SPTBN1: variants seen among roughly 807,000 people sequenced by gnomAD.
The protein encoded by SPTBN1 is spectrin beta, non-erythrocytic 1.
A neutral mutation model predicts 266.4 loss-of-function variants in SPTBN1; 32 were observed. The observed-to-expected ratio is 0.12, with a 90% CI of 0.09 to 0.16. The LOEUF is 0.16. SPTBN1 is among the 10% of genes least tolerant of loss of function. The pLI, the probability that SPTBN1 is intolerant of heterozygous loss-of-function variation, is 1.00. For missense variants in SPTBN1, 2,296 were observed against 3,067.1 expected, an observed-to-expected ratio of 0.75 and a Z score of 5.94; for synonymous variants, 1,336 against 1,162.2, an observed-to-expected ratio of 1.15 and a Z score of -3.04.
chr2:54,602,459 C>T lies in SPTBN1; in HGVS notation c.300+3216C>T, dbSNP rs7591231. ...AGCTCATAATCCACTTTAGATGCTCCCCATTGCCTGCCATCTCCCTTCATG... is the reference window on the plus strand; with the variant it reads ...AGCTCATAATCCACTTTAGATGCTCTCCATTGCCTGCCATCTCCCTTCATG... On this transcript the variant is annotated intron_variant, in intron 3 of 35. Coordinates refer to ENST00000356805, the MANE Select transcript of SPTBN1 (RefSeq NM_003128.3). 6.5e-3 allele frequency among the ~76,000 whole-genome samples: 986 copies of T among 152,120 alleles called. 7 individuals carry two copies. The highest frequency in any genetic ancestry group is 0.023 in the African/African-American group (952 of 41,472).
At chr2:54,624,107 C>T (rs1017121032) in intron 10 of SPTBN1, among the ~76,000 whole-genome samples, 10 of 152,162 alleles carry the variant, frequency 6.6e-5, no homozygotes, top group Non-Finnish European at 1.0e-4. Context: ...ACTTTGGTCA[C>T]TTGTACAGAA....
intron 1 of SPTBN1, among the ~76,000 whole-genome samples, chr2:54,502,582 A>G (rs1159291091): frequency 1.3e-5 from 2 of 152,184 alleles, no homozygotes; most frequent in Non-Finnish European, 2.9e-5. Flanking sequence ...TTTTCCTGCA[A>G]GGTTCTTGTA....
intron 2 of SPTBN1, among the ~76,000 whole-genome samples, chr2:54,578,772 G>A (rs1245224339): frequency 6.6e-6 from 1 of 151,914 alleles, no homozygotes; most frequent in East Asian, 1.9e-4. Context: ...GTGTGTGTGT[G>A]TGTGTGATGA....
chr2:54,526,452 A>C lies in SPTBN1; in HGVS notation c.34A>C (p.Ile12Leu). The change falls in exon 2 of 36, where the codon ATT (isoleucine) becomes CTT (leucine). Residue 12 changes from isoleucine (I) to leucine (L), a missense_variant. Ile to Leu is a conservative substitution (Grantham distance 5). Transcript: ENST00000356805. ...CACAGTAGCCACAGACTATGACAACATTGAGATCCAGCAGCAGTACAGTGA... is the reference window on the plus strand; with the variant it reads ...CACAGTAGCCACAGACTATGACAACCTTGAGATCCAGCAGCAGTACAGTGA... ...TTTVATDYDN[I>L]EIQQQYSDVN... The C allele has an allele frequency of 1.2e-6, 2 of 1,614,226 alleles. No homozygotes were observed. Among genetic ancestry groups the C allele is most frequent in the Middle Eastern group, 1.6e-4 (1 of 6,062 alleles).
rs138719883 is a variant in SPTBN1 at position 54,558,708 on chromosome 2, T to C, written c.148+32142T>C. 16,483 of 1,562,844 alleles carry C rather than the reference T, an allele frequency of 0.011. 378 individuals carry two copies. The highest frequency in any genetic ancestry group is 0.073 in the South Asian group (6,138 of 84,370). On this transcript the variant is annotated intron_variant, in intron 2 of 35. Transcript: ENST00000356805. This position sits in a 1 kb window ranked among gnomAD's most constrained non-coding sequence, Gnocchi z 4.6. ...GAGCGCTGCGGAGGCTGCTGCGTGT[T>C]GGATGGGAGTGGGAGGGGGCTGGAG... is the stretch of plus-strand genomic sequence containing the variant.
At chr2:54,656,373 T>C (rs1280490094) in intron 29 of SPTBN1, among the ~76,000 whole-genome samples, 1 of 152,376 alleles carries the variant, frequency 6.6e-6, no homozygotes, top group South Asian at 2.1e-4. Flanking sequence ...TAGTGGAATG[T>C]TGATAACATA....
intron 1 of SPTBN1, among the ~76,000 whole-genome samples, chr2:54,506,102 C>T (rs970563688): frequency 1.3e-4 from 19 of 150,796 alleles, no homozygotes; most frequent in African/African-American, 2.4e-4. Flanking sequence ...CCAGCCTGGG[C>T]AACAGAGTGA....
In SPTBN1 at chr2:54,474,925, C is replaced by T. The variant is rs190799380; in HGVS notation, c.-48+18407C>T. 2.4e-4 allele frequency among the ~76,000 whole-genome samples: 37 copies of T among 152,270 alleles called. 1 individual carries two copies. The highest frequency in any genetic ancestry group is 2.4e-3 in the Admixed American group (36 of 15,304). On this transcript the variant is annotated intron_variant, in intron 1 of 35. Coordinates refer to ENST00000356805, the MANE Select transcript of SPTBN1 (RefSeq NM_003128.3). ...CAGTGGCTCATGCCTGTAATCCCAGCACTTTGGGAGGCTGAGGCGGGTAGA... is the reference window on the plus strand; with the variant it reads ...CAGTGGCTCATGCCTGTAATCCCAGTACTTTGGGAGGCTGAGGCGGGTAGA...
At chr2:54,524,209 A>T (rs1490541640) in intron 1 of SPTBN1, among the ~76,000 whole-genome samples, 1 of 152,122 alleles carries the variant, frequency 6.6e-6, no homozygotes, top group East Asian at 1.9e-4. Context: ...AAAAAAAAAA[A>T]TGTTGATAAT....
chr2:54,476,260 G>A (rs767210864), intron 1 of SPTBN1, among the ~76,000 whole-genome samples: 13 of 151,970 alleles, frequency 8.6e-5, no homozygotes, highest in South Asian at 2.1e-4. Flanking sequence ...CAAATGCCCC[G>A]CCCAAATGCT....
intron 1 of SPTBN1, among the ~76,000 whole-genome samples, chr2:54,484,890 T>C (rs1436587701): frequency 6.6e-6 from 1 of 152,082 alleles, no homozygotes; most frequent in Admixed American, 6.6e-5. Context: ...AGAAAATTAA[T>C]GCAAAACTTC....
In SPTBN1 at chr2:54,645,397, A is replaced by G; in HGVS notation, c.4438A>G (p.Asn1480Asp). Reference sequence around the variant, plus strand: ...GGAGCCCTTGAACGAGAGGAAGCATAACCTGCTGGCCTCCAAAGAGATCCA... The same window carrying G: ...GGAGCCCTTGAACGAGAGGAAGCATGACCTGCTGGCCTCCAAAGAGATCCA... ...LLEPLNERKH[N>D]LLASKEIHQF... Residue 1480 changes from asparagine (N) to aspartate (D), a missense_variant, in exon 21 of 36, where the codon AAC becomes GAC. Asn to Asp is a conservative substitution (Grantham distance 23). Around this residue, in one of 12 missense-constraint regions of SPTBN1, gnomAD observed 386 missense variants for 486.1 expected, o/e 0.79. Coordinates refer to ENST00000356805, the MANE Select transcript of SPTBN1 (RefSeq NM_003128.3). This position sits in a 1 kb window ranked among gnomAD's most constrained non-coding sequence, Gnocchi z 4.3. The G allele has an allele frequency of 6.2e-7, 1 of 1,614,208 alleles. No individual in the cohort carries two copies. The highest frequency in any genetic ancestry group is 8.5e-7 in the Non-Finnish European group (1 of 1,180,036).
At chr2:54,535,141 G>A (rs1671525851) in intron 2 of SPTBN1, 1 of 152,188 alleles carries the variant, frequency 6.6e-6, no homozygotes, top group African/African-American at 2.4e-5. Flanking sequence ...GGGACTGCCT[G>A]TGTAAGCAAA....
chr2:54,590,054 C>T (rs1024496824), intron 2 of SPTBN1, among the ~76,000 whole-genome samples: 1 of 152,126 alleles, frequency 6.6e-6, no homozygotes, highest in African/African-American at 2.4e-5. Flanking sequence ...CTAATCACAC[C>T]GTTGTGTATT....
At chr2:54,600,463 A>G (rs1445524704) in intron 3 of SPTBN1, among the ~76,000 whole-genome samples, 1 of 152,192 alleles carries the variant, frequency 6.6e-6, no homozygotes, top group East Asian at 1.9e-4. Flanking sequence ...ACCCCTGCTC[A>G]AAACCATGAT....
At position 54,628,273 on chromosome 2, in the gene SPTBN1, A is replaced by G; in HGVS notation, c.1798+23A>G. On this transcript the variant is annotated intron_variant, in intron 13 of 35. Coordinates refer to ENST00000356805, the MANE Select transcript of SPTBN1 (RefSeq NM_003128.3). The surrounding 1 kb of genome is among the most constrained non-coding windows in gnomAD (Gnocchi z 4.3). ...AAGGTAAGGATGGCCCATTCCAAGC[A>G]TTACCTCCGGGTCACCAGAGATTCA... The G allele has an allele frequency of 8.1e-6, 13 of 1,599,426 alleles. No homozygotes were observed. The highest frequency in any genetic ancestry group is 1.1e-5 in the Non-Finnish European group (13 of 1,173,102).
At chr2:54,596,077 C>T (rs78439220) in intron 2 of SPTBN1, among the ~76,000 whole-genome samples, 17 of 152,084 alleles carry the variant, frequency 1.1e-4, no homozygotes, top group African/African-American at 2.7e-4. Flanking sequence ...GCCTGGAAGT[C>T]GGCTCACTGC....
chr2:54,541,907 CAT>C (rs755536090), intron 2 of SPTBN1, among the ~76,000 whole-genome samples: 2 of 152,338 alleles, frequency 1.3e-5, no homozygotes, highest in South Asian at 2.1e-4. Flanking sequence ...ACGTGTACCA[CAT>C]GAGATGCTCT....
At chr2:54,634,489 A>G (rs1021527255) in intron 17 of SPTBN1, among the ~76,000 whole-genome samples, 1 of 152,150 alleles carries the variant, frequency 6.6e-6, no homozygotes, top group Admixed American at 6.5e-5. Context: ...CTTTCCGATG[A>G]CCTGCCATCA....
Sources: allele counts gnomAD v4.1 joint callset (sites outside exome capture counted in the v4.1 genomes callset), GRCh38; gene constraint gnomAD v4.1.1; regional missense constraint gnomAD v4.1.1; non-coding constraint Gnocchi (gnomAD v3.1); transcripts MANE v1.5; gene names NCBI Gene and HGNC (gene_info 2026-07-23, HGNC 2026-07-21).